Variants in SPIDR observed in about 807,000 individuals in gnomAD.
SPIDR encodes the protein scaffold protein involved in DNA repair.
Under a neutral mutation model 104.6 loss-of-function variants are expected in SPIDR, and 93 were observed. The ratio of observed to expected loss-of-function variants is 0.89; its 90% confidence interval spans 0.75 to 1.06. The LOEUF (loss-of-function observed/expected upper bound fraction) is 1.06, where lower values mean the gene tolerates loss of function less well. Among genes scored for constraint, SPIDR ranks in the 50% least tolerant of loss-of-function variants. The probability of loss-of-function intolerance (pLI) is 0.00; values close to 1 mark genes in which losing one functional copy is unlikely to be tolerated. For synonymous variants in SPIDR, 431 were observed against 416.9 expected, an observed-to-expected ratio of 1.03 and a Z score of -0.41; for missense variants, 1,154 against 1,111.2, an observed-to-expected ratio of 1.04 and a Z score of -0.55.
At chr8:47,287,644 A>C (rs1246060419) in intron 3 of SPIDR, among the ~76,000 whole-genome samples, 1 of 152,178 alleles carries the variant, frequency 6.6e-6, no homozygotes, top group East Asian at 1.9e-4. Context: ...ATGTCCGTTT[A>C]TAGGCTCTCT....
intron 7 of SPIDR, among the ~76,000 whole-genome samples, chr8:47,412,721 C>T (rs2063712545): frequency 6.6e-6 from 1 of 152,160 alleles, no homozygotes; most frequent in Non-Finnish European, 1.5e-5. Flanking sequence ...TTCAGTGATT[C>T]TTCATGTTCT....
intron 10 of SPIDR, among the ~76,000 whole-genome samples, chr8:47,613,695 G>T (rs2063891747): frequency 1.3e-5 from 2 of 152,094 alleles, no homozygotes; most frequent in Non-Finnish European, 2.9e-5. Flanking sequence ...GTGTGAAGTG[G>T]TATCTCACTG....
rs1362527985 is a variant in SPIDR, at chr8:47,712,774, A to G, written c.2090A>G (p.Tyr697Cys). ...AGGCTCCCCAAAACCCTGCTGGTCTATGTGGCCCCCTTGTGTGTGCTGGGC... is the reference window on the plus strand; with the variant it reads ...AGGCTCCCCAAAACCCTGCTGGTCTGTGTGGCCCCCTTGTGTGTGCTGGGC... ...DPRLPKTLLVYVAPLCVLGSE... is the reference protein window; with the variant it reads ...DPRLPKTLLVCVAPLCVLGSE... Residue 697 changes from tyrosine to cysteine, a missense_variant, in exon 15 of 20, where the codon TAT becomes TGT. Transcript: ENST00000297423. 1.9e-6 allele frequency: 3 copies of G among 1,614,016 alleles called. No homozygotes were observed. The highest frequency in any genetic ancestry group is 2.7e-5 in the African/African-American group (2 of 74,904).
chr8:47,692,578 A>T (rs1231774198), intron 11 of SPIDR, among the ~76,000 whole-genome samples: 1 of 144,922 alleles, frequency 6.9e-6, no homozygotes, highest in African/African-American at 2.6e-5. Flanking sequence ...GCTCACTGCA[A>T]CCTCTGCCTC....
intron 5 of SPIDR, among the ~76,000 whole-genome samples, chr8:47,303,117 T>G (rs1195174400): frequency 3.3e-5 from 5 of 152,340 alleles, no homozygotes; most frequent in African/African-American, 1.2e-4. Context: ...CCTGTGGCTT[T>G]GTTTACCTAC....
In SPIDR at chr8:47,735,353, ATTG is replaced by A; in HGVS notation, c.2654_2656del (p.Cys885del). On this transcript the variant is annotated inframe_deletion, in exon 20 of 20. Transcript: ENST00000297423. Reference sequence around the variant, plus strand: ...CTCGGAAAGGAAGTGGGGTTGTTAAATTGTTTTGTCCAGTCCGTAACCGCCCAC... The same window carrying A: ...CTCGGAAAGGAAGTGGGGTTGTTAAATTTTGTCCAGTCCGTAACCGCCCAC... 1.2e-6 allele frequency: 2 copies of A among 1,614,052 alleles called. No homozygotes were observed. The highest frequency in any genetic ancestry group is 1.7e-6 in the Non-Finnish European group (2 of 1,180,006).
In SPIDR at chr8:47,440,434, A is replaced by G; in HGVS notation, c.989A>G (p.Gln330Arg). ...GGGTCACCAGCCACCAGCTCCTCCC[A>G]AAGTGTGGCTCCCAGGCCTGGAGCT... is the stretch of plus-strand genomic sequence containing the variant. Reference protein sequence around the residue: ...LLGSPATSSSQSVAPRPGAGL... With the variant: ...LLGSPATSSSRSVAPRPGAGL... Residue 330 changes from glutamine to arginine, a missense_variant, in exon 8 of 20, where the codon CAA becomes CGA. Physicochemically the swap from Gln to Arg is conservative, Grantham distance 43 (BLOSUM62 1). Transcript: ENST00000297423. The G allele has an allele frequency of 1.2e-6, 2 of 1,614,192 alleles. No individual in the cohort carries two copies. Among genetic ancestry groups the G allele is most frequent in the Non-Finnish European group, 1.7e-6 (2 of 1,180,030 alleles).
At chr8:47,580,373 G>A (rs143777894) in intron 8 of SPIDR, among the ~76,000 whole-genome samples, 72 of 152,274 alleles carry the variant, frequency 4.7e-4, no homozygotes, top group South Asian at 3.9e-3. Context: ...GCCCTTGCAC[G>A]TGGGAAGCTC....
chr8:47,636,347 C>G (rs1258440494), intron 10 of SPIDR, among the ~76,000 whole-genome samples: 1 of 152,152 alleles, frequency 6.6e-6, no homozygotes, highest in Non-Finnish European at 1.5e-5. Context: ...CCTCCCTATT[C>G]CCTGAAACAC....
intron 5 of SPIDR, among the ~76,000 whole-genome samples, chr8:47,303,690 C>T (rs1419439315): frequency 6.6e-6 from 1 of 152,230 alleles, no homozygotes; most frequent in Non-Finnish European, 1.5e-5. Flanking sequence ...ACCATCTTTG[C>T]ATCCCAAGGG....
chr8:47,678,914 C>A lies in SPIDR; in HGVS notation c.1685+4973C>A, dbSNP rs189827383. ...TCAGTCAACATGCTCAGAAAAATAA[C>A]CATCTGAGTCAGGATAGAAAGTTCC... On this transcript the variant is annotated intron_variant, in intron 11 of 19. Coordinates refer to ENST00000297423, the MANE Select transcript of SPIDR (RefSeq NM_001080394.4). Among the ~76,000 whole-genome samples, 421 of 152,278 alleles carry A rather than the reference C, an allele frequency of 2.8e-3. 1 individual carries two copies. The highest frequency in any genetic ancestry group is 9.9e-3 in the African/African-American group (411 of 41,552).
At chr8:47,615,654 G>A (rs931405657) in intron 10 of SPIDR, among the ~76,000 whole-genome samples, 5 of 151,686 alleles carry the variant, frequency 3.3e-5, no homozygotes, top group African/African-American at 1.2e-4. Flanking sequence ...TAAACCCCAG[G>A]CACTCCACCA....
rs980817103 is a variant in SPIDR, at chr8:47,266,482, T to A, written c.33+5491T>A. Among the ~76,000 whole-genome samples the A allele has an allele frequency of 2.0e-5, 3 of 152,194 alleles. No individual in the cohort carries two copies. In the East Asian group the frequency reaches 5.8e-4, roughly 29 times the overall value. ...GCTGAGTAGTGTTCCATATAATGGA[T>A]ATACCAGAGTTTGGATTAACATTTA... On this transcript the variant is annotated intron_variant, in intron 1 of 19. Transcript: ENST00000297423.
intron 16 of SPIDR, 28 bp from the exon 17 acceptor site, chr8:47,727,172 A>T: frequency 6.2e-7 from 1 of 1,609,818 alleles, no homozygotes; most frequent in Non-Finnish European, 8.5e-7. Context: ...GCCGCCTCTG[A>T]GGTGGGCTTT....
At chr8:47,460,460 G>A (rs1364986248) in intron 8 of SPIDR, among the ~76,000 whole-genome samples, 3 of 152,016 alleles carry the variant, frequency 2.0e-5, no homozygotes, top group East Asian at 3.8e-4. Flanking sequence ...AGTTTGTTTT[G>A]TCTGTTATAA....
At chr8:47,451,909 A>T (rs145790618) in intron 8 of SPIDR, among the ~76,000 whole-genome samples, 12 of 152,148 alleles carry the variant, frequency 7.9e-5, no homozygotes, top group African/African-American at 2.7e-4. Flanking sequence ...ATCAAAACAC[A>T]TAATCAGCCC....
intron 5 of SPIDR, among the ~76,000 whole-genome samples, chr8:47,310,333 CAAAAAAAA>C (rs1166703089): frequency 5.5e-5 from 3 of 54,876 alleles, no homozygotes; most frequent in African/African-American, 1.9e-4. Flanking sequence ...GACTCCATCT[CAAAAAAAA>C]AAAAAAAAAA....
At chr8:47,343,887 C>G (rs188006043) in intron 5 of SPIDR, among the ~76,000 whole-genome samples, 1 of 152,104 alleles carries the variant, frequency 6.6e-6, no homozygotes, top group Non-Finnish European at 1.5e-5. Context: ...AAAGAAAATG[C>G]TTGTAGGACA....
At chr8:47,681,209 G>GT (rs1344581977) in intron 11 of SPIDR, among the ~76,000 whole-genome samples, 1 of 152,090 alleles carries the variant, frequency 6.6e-6, no homozygotes, top group African/African-American at 2.4e-5. Context: ...TTTCCCTATA[G>GT]TTTTTTTCTT....
Sources: allele counts gnomAD v4.1 joint callset (sites outside exome capture counted in the v4.1 genomes callset), GRCh38; gene constraint gnomAD v4.1.1; transcripts MANE v1.5; gene names NCBI Gene and HGNC (gene_info 2026-07-23, HGNC 2026-07-21).